INSL6: variants seen among roughly 807,000 people sequenced by gnomAD.
The protein encoded by INSL6 is insulin like 6.
INSL6 carries 16 observed loss-of-function variants against 9.4 expected under a neutral mutation model. That is an observed-to-expected ratio of 1.70 (90% CI 1.15 to 2.59). The LOEUF is 2.59. Ranked by LOEUF, INSL6 falls within the 30% of genes most tolerant of loss-of-function variation. The pLI, the probability that INSL6 is intolerant of heterozygous loss-of-function variation, is 0.00. For missense variants in INSL6, 391 were observed against 257.3 expected (o/e 1.52, Z -3.56); for synonymous variants, 154 against 96.9 (o/e 1.59, Z -3.46).
chr9:5,045,337 G>T, the INSL6 span, among the ~76,000 whole-genome samples: 1 of 152,166 alleles, frequency 6.6e-6, no homozygotes, highest in African/African-American at 2.4e-5. Context: ...GCCTAGTTCA[G>T]TTTATGAACA....
intron 3 of INSL6, among the ~76,000 whole-genome samples, chr9:5,129,032 T>C (rs890100956): frequency 6.6e-6 from 1 of 152,094 alleles, no homozygotes; most frequent in African/African-American, 2.4e-5. Context: ...AGTAACACTA[T>C]AATTTGCTAT....
chr9:5,010,296 G>A, the INSL6 span, among the ~76,000 whole-genome samples: 3 of 150,130 alleles, frequency 2.0e-5, no homozygotes, highest in South Asian at 2.1e-4. Flanking sequence ...ACCATACACC[G>A]TTATTATTCA....
chr9:5,111,732 G>T, the INSL6 span: 1 of 431,410 alleles, frequency 2.3e-6, no homozygotes, highest in Middle Eastern at 5.3e-4. Context: ...GAGCGCGTGG[G>T]CTACCGGCTG....
chr9:5,143,422 G>A (rs1359611508), intron 2 of INSL6, among the ~76,000 whole-genome samples: 2 of 151,906 alleles, frequency 1.3e-5, no homozygotes, highest in African/African-American at 4.8e-5. Flanking sequence ...TAGGGAGGGG[G>A]TATGTATCCA....
chr9:4,994,272 TCA>T, the INSL6 span, among the ~76,000 whole-genome samples: 1 of 152,204 alleles, frequency 6.6e-6, no homozygotes, highest in Non-Finnish European at 1.5e-5. Context: ...TCACTTAAAG[TCA>T]CAGTTTCCAA....
the INSL6 span, among the ~76,000 whole-genome samples, chr9:5,052,483 G>A: frequency 2.6e-5 from 4 of 151,932 alleles, no homozygotes; most frequent in Non-Finnish European, 5.9e-5. Context: ...TTTTAAAAGA[G>A]TTTATTGAGA....
chr9:5,153,367 G>T (rs1000960352), intron 2 of INSL6, among the ~76,000 whole-genome samples: 1 of 152,166 alleles, frequency 6.6e-6, no homozygotes, highest in African/African-American at 2.4e-5. Flanking sequence ...AGGAGCATCC[G>T]CCATTGCTGA....
the INSL6 span, chr9:5,080,559 T>G: frequency 6.3e-7 from 1 of 1,596,674 alleles, no homozygotes; most frequent in South Asian, 1.2e-5. Flanking sequence ...AAGATAGGCA[T>G]CAGCTTCCTG....
chr9:5,157,902 T>TA (rs1824845920), intron 2 of INSL6, among the ~76,000 whole-genome samples: 1 of 152,032 alleles, frequency 6.6e-6, no homozygotes, highest in Admixed American at 6.5e-5. Flanking sequence ...ACCTTTCAGA[T>TA]AGAGAATTCA....
At chr9:5,153,000 C>T (rs1264321870) in intron 2 of INSL6, among the ~76,000 whole-genome samples, 1 of 152,204 alleles carries the variant, frequency 6.6e-6, no homozygotes, top group East Asian at 1.9e-4. Context: ...GTACCCTGCA[C>T]TCCAGCCCAG....
the INSL6 span, chr9:5,089,596 TTCTA>T: frequency 1.7e-6 from 1 of 582,742 alleles, no homozygotes; most frequent in Non-Finnish European, 2.6e-6. Flanking sequence ...TACTAGAATT[TTCTA>T]TATAATTATA....
chr9:5,167,901 C>T (rs1825091467), intron 1 of INSL6, among the ~76,000 whole-genome samples: 1 of 152,158 alleles, frequency 6.6e-6, no homozygotes. Context: ...CTGCAGCCTC[C>T]ACGGTGATAC....
intron 1 of INSL6, among the ~76,000 whole-genome samples, chr9:5,168,480 C>G (rs536560489): frequency 1.3e-5 from 2 of 152,148 alleles, no homozygotes; most frequent in South Asian, 4.2e-4. Flanking sequence ...GAAAAAATAT[C>G]AGAGCTTGAA....
downstream of INSL6, among the ~76,000 whole-genome samples, chr9:5,122,333 T>C (rs77607435): frequency 9.2e-5 from 14 of 152,260 alleles, no homozygotes; most frequent in African/African-American, 3.1e-4. Flanking sequence ...GCTGTGACTT[T>C]TTCCTTTCTG....
At chr9:5,183,316 T>A (rs1177351219) in intron 1 of INSL6, among the ~76,000 whole-genome samples, 1 of 152,198 alleles carries the variant, frequency 6.6e-6, no homozygotes, top group African/African-American at 2.4e-5. Flanking sequence ...TACTGTTACA[T>A]AGTATTTCCA....
At chr9:5,127,526 T>C (rs1237828768) in intron 3 of INSL6, 2 of 231,190 alleles carry the variant, frequency 8.7e-6, no homozygotes, top group Non-Finnish European at 1.7e-5. Context: ...TATTTTATTA[T>C]GGTTTCCCTT....
chr9:5,147,435 T>C (rs1564040669), intron 2 of INSL6, among the ~76,000 whole-genome samples: 1 of 152,186 alleles, frequency 6.6e-6, no homozygotes, highest in African/African-American at 2.4e-5. Flanking sequence ...CAGAGAACTT[T>C]CAGTTGCCCC....
the INSL6 span, among the ~76,000 whole-genome samples, chr9:5,074,847 A>C: frequency 6.6e-6 from 1 of 152,192 alleles, no homozygotes; most frequent in African/African-American, 2.4e-5. Context: ...TTAGAGAGGA[A>C]GGCATGCTGA....
chr9:5,119,942 GATAAA>G (rs1263318789), downstream of INSL6, among the ~76,000 whole-genome samples: 4 of 152,126 alleles, frequency 2.6e-5, no homozygotes, highest in African/African-American at 9.7e-5. Context: ...AATATGAATT[GATAAA>G]ATAAGTTTGA....
Sources: allele counts gnomAD v4.1 joint callset (sites outside exome capture counted in the v4.1 genomes callset), GRCh38; gene constraint gnomAD v4.1.1; transcripts MANE v1.5; gene names NCBI Gene and HGNC (gene_info 2026-07-23, HGNC 2026-07-21).